Variants in GLIS1 observed in about 807,000 individuals in gnomAD.
The protein encoded by GLIS1 is zinc finger protein GLIS1.
A neutral mutation model predicts 63.8 loss-of-function variants in GLIS1; 24 were observed. The observed-to-expected ratio is 0.38, with a 90% CI of 0.27 to 0.53. The LOEUF is 0.53. GLIS1 is among the 20% of genes least tolerant of loss of function. GLIS1 has a pLI of 0.85. For synonymous variants in GLIS1, 450 were observed against 482.5 expected, an observed-to-expected ratio of 0.93 and a Z score of 0.88; for missense variants, 1,036 against 1,074.1, an observed-to-expected ratio of 0.96 and a Z score of 0.50.
At chr1:53,732,078 C>A (rs565908852) in intron 2 of GLIS1, among the ~76,000 whole-genome samples, 4 of 152,242 alleles carry the variant, frequency 2.6e-5, no homozygotes, top group Non-Finnish European at 4.4e-5. Context: ...TTCAGGCCAT[C>A]CAGGAAATGC....
At chr1:53,557,595 A>C (rs149894708) in intron 4 of GLIS1, among the ~76,000 whole-genome samples, 1 of 152,280 alleles carries the variant, frequency 6.6e-6, no homozygotes, top group Non-Finnish European at 1.5e-5. Context: ...CGGCTGGGGA[A>C]GAGCCTGGCC....
intron 2 of GLIS1, among the ~76,000 whole-genome samples, chr1:53,610,154 A>G (rs1569913633): frequency 6.6e-6 from 1 of 152,210 alleles, no homozygotes; most frequent in East Asian, 1.9e-4. Context: ...CTGTTTTTGT[A>G]TATTTCAATT....
intron 2 of GLIS1, among the ~76,000 whole-genome samples, chr1:53,681,162 C>T (rs912755147): frequency 3.7e-4 from 57 of 152,268 alleles, no homozygotes; most frequent in Non-Finnish European, 7.6e-4. Context: ...TCCACTGCTC[C>T]GTGATCCACA....
At chr1:53,652,281 T>C (rs575632873) in intron 2 of GLIS1, among the ~76,000 whole-genome samples, 1 of 152,144 alleles carries the variant, frequency 6.6e-6, no homozygotes, top group Non-Finnish European at 1.5e-5. Context: ...GATGTGGAGA[T>C]GAGTTGGCCG....
chr1:53,627,261 C>T (rs1213964451), intron 2 of GLIS1, among the ~76,000 whole-genome samples: 48 of 152,268 alleles, frequency 3.2e-4, no homozygotes. Context: ...GCTGGCCGAT[C>T]GGGAGGGTTC....
intron 2 of GLIS1, among the ~76,000 whole-genome samples, chr1:53,643,238 C>T (rs994899022): frequency 2.6e-5 from 4 of 152,306 alleles, no homozygotes; most frequent in South Asian, 4.1e-4. Flanking sequence ...ACACTTGGGC[C>T]GCTTCTCTCC....
intron 2 of GLIS1, among the ~76,000 whole-genome samples, chr1:53,605,457 C>T (rs1270747141): frequency 1.3e-5 from 2 of 152,356 alleles, no homozygotes; most frequent in East Asian, 1.9e-4. Flanking sequence ...CTGAGCTCCC[C>T]GGCCTCGGCA....
rs1276740475 is a variant in GLIS1 at position 53,600,108 on chromosome 1, G to C, written c.430C>G (p.Pro144Ala). Residue 144 changes from proline to alanine, a missense_variant, in exon 3 of 11, where the codon CCT becomes GCT. Pro to Ala is a conservative substitution (Grantham distance 27). Transcript: ENST00000628545. The stretch of plus-strand genomic sequence containing the variant: ...GCAGCTGCCCACACCTACCTGTCAG[G>C]GTGGGGGAAATGCAGCAGCCTCTCA... ...ACERLLHFPH[P>A]DRSPRPQATY... 1.6e-6 allele frequency: 2 copies of C among 1,229,902 alleles called. No individual in the cohort carries two copies. Among genetic ancestry groups the C allele is most frequent in the African/African-American group, 3.1e-5 (2 of 64,390 alleles). 76.2% of individuals were successfully genotyped at this position (1,229,902 alleles called of 1,614,324 possible).
chr1:53,521,850 G>A (rs1644412776), intron 6 of GLIS1, among the ~76,000 whole-genome samples: 1 of 152,258 alleles, frequency 6.6e-6, no homozygotes, highest in African/African-American at 2.4e-5. Flanking sequence ...GACTGGGGCA[G>A]GCACCTGGGA....
At chr1:53,590,373 C>G (rs1486071113) in intron 4 of GLIS1, among the ~76,000 whole-genome samples, 3 of 152,140 alleles carry the variant, frequency 2.0e-5, no homozygotes, top group Non-Finnish European at 2.9e-5. Context: ...GTGCTCACAG[C>G]TTTGGTAAAA....
rs550013989 is a variant in GLIS1, at chr1:53,542,934, T to C, written c.1321-12982A>G. Among the ~76,000 whole-genome samples the C allele has an allele frequency of 3.9e-5, 6 of 152,320 alleles. No individual in the cohort carries two copies. The East Asian group carries it at 5.8e-4, about 15-fold the overall frequency. ...CAGCCTTTAGATGGACAGGGACAAGTAGATTCTGGCCAAAGATGGGGCAGG... is the reference window on the plus strand; with the variant it reads ...CAGCCTTTAGATGGACAGGGACAAGCAGATTCTGGCCAAAGATGGGGCAGG... On this transcript the variant is annotated intron_variant, in intron 4 of 10. Coordinates refer to ENST00000628545, the MANE Select transcript of GLIS1 (RefSeq NM_001367484.1).
chr1:53,671,915 T>G (rs983016814), intron 2 of GLIS1, among the ~76,000 whole-genome samples: 1 of 152,188 alleles, frequency 6.6e-6, no homozygotes, highest in African/African-American at 2.4e-5. Context: ...TTCTCAACTT[T>G]TAAAATATTA....
intron 2 of GLIS1, among the ~76,000 whole-genome samples, chr1:53,714,344 T>G (rs1161641997): frequency 6.6e-6 from 1 of 152,230 alleles, no homozygotes; most frequent in Non-Finnish European, 1.5e-5. Context: ...AAATGGTCAC[T>G]ACATTTCAAC....
At chr1:53,698,269 C>T (rs1217587486) in intron 2 of GLIS1, among the ~76,000 whole-genome samples, 1 of 152,196 alleles carries the variant, frequency 6.6e-6, no homozygotes, top group Admixed American at 6.5e-5. Context: ...GAACGCACTC[C>T]AGAGGATGAC....
chr1:53,666,548 C>T (rs1211573220), intron 2 of GLIS1, among the ~76,000 whole-genome samples: 1 of 152,014 alleles, frequency 6.6e-6, no homozygotes, highest in Non-Finnish European at 1.5e-5. Flanking sequence ...GTCTGGCTTG[C>T]CTCCTCTCTA....
At chr1:53,551,984 A>G (rs1644764864) in intron 4 of GLIS1, among the ~76,000 whole-genome samples, 4 of 151,896 alleles carry the variant, frequency 2.6e-5, no homozygotes, top group Admixed American at 2.0e-4. Flanking sequence ...AAACTTCCCA[A>G]CCAAACACTC....
At chr1:53,528,478 T>C (rs769624057) in intron 5 of GLIS1, among the ~76,000 whole-genome samples, 1 of 152,140 alleles carries the variant, frequency 6.6e-6, no homozygotes, top group Non-Finnish European at 1.5e-5. Context: ...ATGGGCCCCA[T>C]CTTGGTTGGT....
Position 53,585,868 on chromosome 1 carries a change from C to T in GLIS1, c.1320+8240G>A, listed in dbSNP as rs1434394677. Among the ~76,000 whole-genome samples, 3 of 152,348 alleles carry T rather than the reference C, an allele frequency of 2.0e-5. No individual in the cohort carries two copies. In the East Asian group the frequency reaches 5.8e-4, roughly 29 times the overall value. On this transcript the variant is annotated intron_variant, in intron 4 of 10. Coordinates refer to ENST00000628545, the MANE Select transcript of GLIS1 (RefSeq NM_001367484.1). ...ACTCTGCAGGTACAGAGCACAGCCCCTCCACCCCCTACAGAAACTTCTGGG... is the reference window on the plus strand; with the variant it reads ...ACTCTGCAGGTACAGAGCACAGCCCTTCCACCCCCTACAGAAACTTCTGGG...
chr1:53,730,736 A>G (rs1297442679), intron 2 of GLIS1, among the ~76,000 whole-genome samples: 3 of 151,926 alleles, frequency 2.0e-5, no homozygotes, highest in African/African-American at 7.3e-5. Flanking sequence ...AATCAGTATG[A>G]CTCCCTGAGA....
Sources: allele counts gnomAD v4.1 joint callset (sites outside exome capture counted in the v4.1 genomes callset), GRCh38; gene constraint gnomAD v4.1.1; transcripts MANE v1.5; gene names NCBI Gene and HGNC (gene_info 2026-07-23, HGNC 2026-07-21).